The following PRMT3 variants were observed in gnomAD, a reference collection of about 807,000 sequenced individuals.
PRMT3 encodes protein arginine N-methyltransferase 3.
In PRMT3, 62 loss-of-function variants were observed where a neutral mutation model predicts 71.9. The ratio of observed to expected loss-of-function variants is 0.86; its 90% CI spans 0.70 to 1.07. The LOEUF (loss-of-function observed/expected upper bound fraction) is 1.07, where lower values mean the gene tolerates loss of function less well. Ranked by LOEUF, PRMT3 falls within the 50% of genes least tolerant of loss-of-function variation. The pLI, the probability that PRMT3 is intolerant of heterozygous loss-of-function variation, is 0.00. For synonymous variants in PRMT3, 213 were observed against 220.4 expected (o/e 0.97, Z 0.30); for missense variants, 663 against 643.0 (o/e 1.03, Z -0.34).
At chr11:20,428,539 A>C (rs1849592779) in intron 10 of PRMT3, among the ~76,000 whole-genome samples, 2 of 152,262 alleles carry the variant, frequency 1.3e-5, no homozygotes, top group African/African-American at 4.8e-5. Context: ...AATTATTAAT[A>C]GGCAATTGAT....
chr11:20,470,942 G>A (rs1361588533), intron 13 of PRMT3, among the ~76,000 whole-genome samples: 2 of 152,152 alleles, frequency 1.3e-5, no homozygotes, highest in South Asian at 4.1e-4. Context: ...ACTGGTATAA[G>A]ATGGTATTTC....
chr11:20,448,315 C>T (rs1850075741), intron 10 of PRMT3, among the ~76,000 whole-genome samples: 1 of 152,216 alleles, frequency 6.6e-6, no homozygotes, highest in East Asian at 1.9e-4. Flanking sequence ...TTCCAATTAA[C>T]AACTGACTGC....
intron 15 of PRMT3, among the ~76,000 whole-genome samples, chr11:20,506,708 A>G (rs1851599438): frequency 6.6e-6 from 1 of 152,190 alleles, no homozygotes. Flanking sequence ...CTTGGTCATT[A>G]TATGGAGCCT....
intron 9 of PRMT3, among the ~76,000 whole-genome samples, chr11:20,417,774 T>TCACACACACACACA (rs34609751): frequency 1.3e-5 from 2 of 149,350 alleles, no homozygotes; most frequent in African/African-American, 4.9e-5. Flanking sequence ...TCTCTCTCTG[T>TCACACACACACACA]CACACACACA....
chr11:20,475,826 T>C (rs1220749267), intron 13 of PRMT3, among the ~76,000 whole-genome samples: 1 of 151,390 alleles, frequency 6.6e-6, no homozygotes, highest in East Asian at 2.0e-4. Context: ...AGCTAATTTT[T>C]CTATTTTAGT....
chr11:20,416,686 T>C (rs1849312518), intron 9 of PRMT3, among the ~76,000 whole-genome samples: 1 of 152,194 alleles, frequency 6.6e-6, no homozygotes, highest in Non-Finnish European at 1.5e-5. Flanking sequence ...TTATTGCTAA[T>C]TTCGAACAAT....
At chr11:20,501,023 C>T (rs761704702) in intron 15 of PRMT3, among the ~76,000 whole-genome samples, 3 of 152,154 alleles carry the variant, frequency 2.0e-5, no homozygotes, top group Non-Finnish European at 4.4e-5. Flanking sequence ...ACAGATTGCT[C>T]ATTTTTAAGC....
chr11:20,431,970 A>G (rs1849663856), intron 10 of PRMT3, among the ~76,000 whole-genome samples: 1 of 152,076 alleles, frequency 6.6e-6, no homozygotes, highest in Non-Finnish European at 1.5e-5. Flanking sequence ...TGTGGTTCAT[A>G]TTTTTTCATA....
At chr11:20,411,216 G>A (rs372909938) in intron 9 of PRMT3, among the ~76,000 whole-genome samples, 1 of 152,170 alleles carries the variant, frequency 6.6e-6, no homozygotes, top group Non-Finnish European at 1.5e-5. Flanking sequence ...AATAGGTAGA[G>A]ACATGTGACT....
chr11:20,460,456 G>C (rs1409283557), intron 11 of PRMT3, among the ~76,000 whole-genome samples: 1 of 152,000 alleles, frequency 6.6e-6, no homozygotes, highest in East Asian at 1.9e-4. Context: ...CTTAACTCAT[G>C]TAACACTTAC....
Position 20,415,455 on chromosome 11 carries a change from G to T in PRMT3, c.893+7423G>T, listed in dbSNP as rs1194630914. ...TACTCACAGCTAGGATTACAGAAAA[G>T]GGTATAGTGCAGAAACAGCAGGAAA... is the stretch of plus-strand genomic sequence containing the variant. On this transcript the variant is annotated intron_variant, in intron 9 of 15. Transcript: ENST00000331079. 3.3e-5 allele frequency among the ~76,000 whole-genome samples: 5 copies of T among 152,118 alleles called. No homozygotes were observed. In the South Asian group the frequency reaches 8.3e-4, roughly 25 times the overall value.
At chr11:20,488,449 A>G (rs1227710567) in intron 13 of PRMT3, among the ~76,000 whole-genome samples, 2 of 152,184 alleles carry the variant, frequency 1.3e-5, no homozygotes, top group African/African-American at 4.8e-5. Flanking sequence ...GAAATACTTC[A>G]ACGAAAAATG....
chr11:20,493,568 A>G (rs1161211310), intron 13 of PRMT3, among the ~76,000 whole-genome samples: 1 of 152,214 alleles, frequency 6.6e-6, no homozygotes, highest in African/African-American at 2.4e-5. Flanking sequence ...AAGATAGCCT[A>G]ATGCGTGGGT....
intron 11 of PRMT3, 84 bp from the exon 12 acceptor site, chr11:20,461,896 G>T: frequency 8.3e-7 from 1 of 1,208,916 alleles, no homozygotes; most frequent in South Asian, 2.3e-5. Context: ...TGATGGATTT[G>T]ATATTTATAT....
At chr11:20,418,288 A>C (rs111378611) in intron 9 of PRMT3, among the ~76,000 whole-genome samples, 35 of 152,316 alleles carry the variant, frequency 2.3e-4, no homozygotes, top group African/African-American at 7.9e-4. Context: ...AGTAGGGTTT[A>C]GTGAGTAGCC....
At chr11:20,493,088 A>C (rs1851247309) in intron 13 of PRMT3, among the ~76,000 whole-genome samples, 1 of 152,010 alleles carries the variant, frequency 6.6e-6, no homozygotes, top group African/African-American at 2.4e-5. Flanking sequence ...CGGAGGTTGC[A>C]ATGAGCTGAG....
At chr11:20,474,095 C>T (rs1246057050) in intron 13 of PRMT3, among the ~76,000 whole-genome samples, 2 of 152,170 alleles carry the variant, frequency 1.3e-5, no homozygotes, top group Admixed American at 1.3e-4. Context: ...GACCTGTTCC[C>T]AGCCTGAACT....
At chr11:20,508,178 A>G (rs1851639719) in intron 15 of PRMT3, 126 bp from the exon 16 acceptor site, 2 of 510,756 alleles carry the variant, frequency 3.9e-6, no homozygotes, top group Non-Finnish European at 6.9e-6. Flanking sequence ...AAAGAATATT[A>G]ACCTTAAATA....
chr11:20,489,189 G>A (rs1851149936), intron 13 of PRMT3, among the ~76,000 whole-genome samples: 1 of 151,912 alleles, frequency 6.6e-6, no homozygotes, highest in South Asian at 2.1e-4. Flanking sequence ...CACTCTAAGG[G>A]ACTTTTATAA....
Sources: allele counts gnomAD v4.1 joint callset (sites outside exome capture counted in the v4.1 genomes callset), GRCh38; gene constraint gnomAD v4.1.1; transcripts MANE v1.5; gene names NCBI Gene and HGNC (gene_info 2026-07-23, HGNC 2026-07-21).